RNF125: variants seen among roughly 807,000 people sequenced by gnomAD.
RNF125 encodes the protein E3 ubiquitin-protein ligase RNF125.
A neutral mutation model predicts 26.0 loss-of-function variants in RNF125; 21 were observed. The ratio of observed to expected loss-of-function variants is 0.81; its 90% CI spans 0.57 to 1.16. RNF125 has a LOEUF of 1.16. Ranked by LOEUF, RNF125 falls within the 50% of genes most tolerant of loss-of-function variation. The probability of loss-of-function intolerance (pLI) is 0.00; values close to 1 mark genes in which losing one functional copy is unlikely to be tolerated. For synonymous variants in RNF125, 95 were observed against 109.2 expected (o/e 0.87, Z 0.81); for missense variants, 270 against 299.4 (o/e 0.90, Z 0.72).
chr18:32,024,103 ATTC>A (rs2144430207), intron 1 of RNF125, among the ~76,000 whole-genome samples: 1 of 149,544 alleles, frequency 6.7e-6, no homozygotes, highest in East Asian at 2.0e-4. Flanking sequence ...ATCTTTTTTT[ATTC>A]TTTCAATTTG....
chr18:32,032,290 C>G (rs1240760980), intron 1 of RNF125, among the ~76,000 whole-genome samples: 1 of 151,768 alleles, frequency 6.6e-6, no homozygotes, highest in Non-Finnish European at 1.5e-5. Flanking sequence ...GTTGGCCAGG[C>G]TGGTCTCGAA....
intron 4 of RNF125, among the ~76,000 whole-genome samples, chr18:32,064,396 C>CTTTTTTTTTTTTTTTTTTTTTTTTT: frequency 1.2e-5 from 1 of 86,862 alleles, no homozygotes; most frequent in Non-Finnish European, 2.1e-5. Context: ...TTTTCTTTTT[C>CTTTTTTTTTTTTTTTTTTTTTTTTT]TTTTTTTTTT....
At position 32,020,674 on chromosome 18, in the gene RNF125, C is replaced by T. The variant is rs1290451249; in HGVS notation, c.164+1647C>T. On this transcript the variant is annotated intron_variant, in intron 1 of 5. Coordinates refer to ENST00000217740, the MANE Select transcript of RNF125 (RefSeq NM_017831.4). ...CTGTAATCCTAGCACTTTGGGAAGC[C>T]GAGGTGGATGGATCACCTGAGGTCA... is the stretch of plus-strand genomic sequence containing the variant. Among the ~76,000 whole-genome samples the T allele has an allele frequency of 4.0e-5, 6 of 151,578 alleles. No individual in the cohort carries two copies. In the South Asian group the frequency reaches 1.3e-3, roughly 32 times the overall value.
intron 1 of RNF125, among the ~76,000 whole-genome samples, chr18:32,034,273 ATCT>A (rs2039128708): frequency 6.6e-6 from 1 of 151,904 alleles, no homozygotes; most frequent in Admixed American, 6.6e-5. Flanking sequence ...AACCTCGCGG[ATCT>A]TCTCTGTGGT....
rs1201081540 is a variant in RNF125 at position 32,045,699 on chromosome 18, T to G, written c.471T>G (p.Cys157Trp). The change falls in exon 4 of 6, where the codon TGT (cysteine) becomes TGG (tryptophan). Residue 157 changes from cysteine (C) to tryptophan (W), a missense_variant. Coordinates refer to ENST00000217740, the MANE Select transcript of RNF125 (RefSeq NM_017831.4). Reference sequence around the variant, plus strand: ...ATGAAGACAGCTTGCTGGATCATTGTATTACTCATCACAGATCGGAACGGA... The same window carrying G: ...ATGAAGACAGCTTGCTGGATCATTGGATTACTCATCACAGATCGGAACGGA... The part of the protein sequence containing the change: ...ELYEDSLLDH[C>W]ITHHRSERRP... The G allele has an allele frequency of 3.7e-6, 6 of 1,612,946 alleles. No individual in the cohort carries two copies. Among genetic ancestry groups the G allele is most frequent in the Non-Finnish European group, 5.1e-6 (6 of 1,179,668 alleles).
At chr18:32,027,531 AAC>A (rs1238202962) in intron 1 of RNF125, among the ~76,000 whole-genome samples, 1 of 152,160 alleles carries the variant, frequency 6.6e-6, no homozygotes, top group African/African-American at 2.4e-5. Context: ...GAAAGGGTAA[AAC>A]ACAGAGACTC....
chr18:32,068,181 G>T (rs1446937425), intron 5 of RNF125, 117 bp from the exon 6 acceptor site: 14 of 573,002 alleles, frequency 2.4e-5, no homozygotes, highest in Middle Eastern at 4.6e-4. Flanking sequence ...GTGGAACCTT[G>T]GACAAGTCTC....
At chr18:32,064,345 A>C (rs1269136381) in intron 4 of RNF125, among the ~76,000 whole-genome samples, 1 of 148,906 alleles carries the variant, frequency 6.7e-6, no homozygotes, top group Non-Finnish European at 1.5e-5. Context: ...TCACACACAC[A>C]CACTGAAAAA....
At chr18:32,049,949 G>A (rs775532216) in intron 4 of RNF125, among the ~76,000 whole-genome samples, 2 of 152,144 alleles carry the variant, frequency 1.3e-5, no homozygotes, top group African/African-American at 2.4e-5. Context: ...CACACTGAGG[G>A]AAGTCCTGGG....
chr18:32,063,198 C>T (rs1204645953), intron 4 of RNF125, among the ~76,000 whole-genome samples: 1 of 79,420 alleles, frequency 1.3e-5, no homozygotes, highest in South Asian at 3.6e-4. Flanking sequence ...CCAGCCTGGG[C>T]AACAAGAGCA....
chr18:32,051,694 C>CTTTTTTTTTTTTT (rs71177837), intron 4 of RNF125, among the ~76,000 whole-genome samples: 1 of 118,032 alleles, frequency 8.5e-6, no homozygotes, highest in Non-Finnish European at 1.6e-5. Context: ...TATTTTCTTT[C>CTTTTTTTTTTTTT]TTTTTTTTTT....
the RNF125 span, among the ~76,000 whole-genome samples, chr18:32,081,416 T>G: frequency 6.6e-6 from 1 of 152,172 alleles, no homozygotes; most frequent in Non-Finnish European, 1.5e-5. Context: ...TATTTAAATA[T>G]AGAGACAACA....
At chr18:32,033,851 A>C (rs1017551954) in intron 1 of RNF125, among the ~76,000 whole-genome samples, 3 of 152,048 alleles carry the variant, frequency 2.0e-5, no homozygotes, top group African/African-American at 7.2e-5. Flanking sequence ...AAAAAGTAGA[A>C]GGGAAAGGTG....
At chr18:32,073,434 G>A (rs1021114585), downstream of RNF125, among the ~76,000 whole-genome samples, 2 of 152,194 alleles carry the variant, frequency 1.3e-5, no homozygotes, top group African/African-American at 4.8e-5. Context: ...ACAGGTCAGG[G>A]ATGCTGTTCA....
At chr18:32,039,580 A>G (rs1598814523) in intron 2 of RNF125, among the ~76,000 whole-genome samples, 1 of 152,092 alleles carries the variant, frequency 6.6e-6, no homozygotes, top group East Asian at 1.9e-4. Context: ...ATTATTGCCT[A>G]TTTTTACTTT....
chr18:32,079,361 G>A, the RNF125 span, among the ~76,000 whole-genome samples: 1 of 152,136 alleles, frequency 6.6e-6, no homozygotes, highest in Non-Finnish European at 1.5e-5. Context: ...TCAAATGGTG[G>A]GTTAGAGCTT....
intron 4 of RNF125, among the ~76,000 whole-genome samples, chr18:32,061,912 G>T (rs1409972565): frequency 1.3e-5 from 2 of 152,204 alleles, no homozygotes; most frequent in African/African-American, 4.8e-5. Context: ...CAGAACATCA[G>T]CGAGAGGCTG....
chr18:32,070,485 C>T lies in RNF125; in HGVS notation c.*2101C>T, dbSNP rs891487141. ...TGTGCCCGGCCTACAGGGTTTTTATCTAACCTTTCTGTTACAACTGTACCT... is the reference window on the plus strand; with the variant it reads ...TGTGCCCGGCCTACAGGGTTTTTATTTAACCTTTCTGTTACAACTGTACCT... On this transcript the variant is annotated 3_prime_UTR_variant, in exon 6 of 6. Transcript: ENST00000217740. The T allele has an allele frequency of 6.6e-6, 1 of 151,800 alleles. No homozygotes were observed. The highest frequency in any genetic ancestry group is 6.6e-5 in the Admixed American group (1 of 15,216). The allele number at this position is 151,800 out of a possible 1,614,324, so 9.4% of individuals were successfully genotyped here.
At chr18:32,021,332 G>C (rs546308993) in intron 1 of RNF125, among the ~76,000 whole-genome samples, 53 of 152,266 alleles carry the variant, frequency 3.5e-4, no homozygotes, top group African/African-American at 1.2e-3. Flanking sequence ...TGCCCGCCTC[G>C]GCCTCCCAAA....
Sources: allele counts gnomAD v4.1 joint callset (sites outside exome capture counted in the v4.1 genomes callset), GRCh38; gene constraint gnomAD v4.1.1; transcripts MANE v1.5; gene names NCBI Gene and HGNC (gene_info 2026-07-23, HGNC 2026-07-21).